Variants in RPH3A observed in about 807,000 individuals in gnomAD.
RPH3A encodes rabphilin-3A.
RPH3A carries 48 observed loss-of-function variants against 102.2 expected under a neutral mutation model. The ratio of observed to expected loss-of-function variants is 0.47; its 90% CI spans 0.37 to 0.60. RPH3A has a LOEUF of 0.60. RPH3A is among the 20% of genes least tolerant of loss of function. The pLI is 0.00. For synonymous variants in RPH3A, 310 were observed against 324.3 expected, an observed-to-expected ratio of 0.96 and a Z score of 0.47; for missense variants, 781 against 910.1, an observed-to-expected ratio of 0.86 and a Z score of 1.83.
At chr12:112,729,629 G>T (rs901222508) in intron 1 of RPH3A, among the ~76,000 whole-genome samples, 2 of 152,194 alleles carry the variant, frequency 1.3e-5, no homozygotes, top group Non-Finnish European at 2.9e-5. Flanking sequence ...ATATTGACTA[G>T]TTGCTTTAAT....
chr12:112,887,433 A>G (rs1358004049), intron 16 of RPH3A, among the ~76,000 whole-genome samples: 1 of 152,224 alleles, frequency 6.6e-6, no homozygotes, highest in African/African-American at 2.4e-5. Flanking sequence ...CAGACAAATG[A>G]CTTCATGTGG....
At chr12:112,735,689 G>C (rs3803064) in intron 1 of RPH3A, among the ~76,000 whole-genome samples, 1 of 151,996 alleles carries the variant, frequency 6.6e-6, no homozygotes, top group African/African-American at 2.4e-5. Context: ...TTCACTAGAC[G>C]CTGGGACAGA....
rs554009236 is a variant in RPH3A, at chr12:112,737,626, G to A, written c.-139-54517G>A. 4.6e-5 allele frequency among the ~76,000 whole-genome samples: 7 copies of A among 152,160 alleles called. No homozygotes were observed. The East Asian group carries it at 1.3e-3, about 29-fold the overall frequency. ...CAGTTTTTTTCCCCTCTGAGCCATA[G>A]ACTCCTCCTCCAGGCAGCCACCACT... On this transcript the variant is annotated intron_variant, in intron 1 of 21. Transcript: ENST00000543106.
intron 6 of RPH3A, among the ~76,000 whole-genome samples, chr12:112,865,905 G>C (rs1428388464): frequency 1.3e-5 from 2 of 152,218 alleles, no homozygotes; most frequent in Non-Finnish European, 2.9e-5. Flanking sequence ...GTTTATACTT[G>C]TGTGTATGTG....
At chr12:112,580,086 C>A (rs1293158656) in intron 1 of RPH3A, among the ~76,000 whole-genome samples, 1 of 152,058 alleles carries the variant, frequency 6.6e-6, no homozygotes, top group Non-Finnish European at 1.5e-5. Context: ...AAAACAGATA[C>A]CGTGTCTATT....
intron 1 of RPH3A, among the ~76,000 whole-genome samples, chr12:112,606,481 A>C (rs1288437383): frequency 2.0e-5 from 3 of 152,044 alleles, no homozygotes; most frequent in Non-Finnish European, 4.4e-5. Context: ...TCCCAGTCTC[A>C]AGCAATTCTT....
intron 1 of RPH3A, among the ~76,000 whole-genome samples, chr12:112,669,266 G>GATAGATACCTCAATTATCCTA (rs2040110841): frequency 6.6e-6 from 1 of 152,206 alleles, no homozygotes; most frequent in African/African-American, 2.4e-5. Context: ...GGTGGCTTGT[G>GATAGATACCTCAATTATCCTA]ATAGATACCT....
chr12:112,791,623 T>A (rs1011703242), upstream of RPH3A: 1 of 151,524 alleles, frequency 6.6e-6, no homozygotes, highest in Non-Finnish European at 1.5e-5. Flanking sequence ...GCGCCCAACC[T>A]CCCCTCCCGG....
At chr12:112,643,804 C>T (rs1361506547) in intron 1 of RPH3A, among the ~76,000 whole-genome samples, 1 of 152,192 alleles carries the variant, frequency 6.6e-6, no homozygotes, top group Non-Finnish European at 1.5e-5. Flanking sequence ...ATCCAGCAAT[C>T]CCACTAATGG....
intron 16 of RPH3A, among the ~76,000 whole-genome samples, chr12:112,884,059 G>A (rs2042967726): frequency 1.3e-5 from 2 of 151,792 alleles, no homozygotes; most frequent in African/African-American, 4.8e-5. Context: ...ATATATCTCA[G>A]TATTACAGCC....
In RPH3A at chr12:112,850,023, C is replaced by T. The variant is rs375088276; in HGVS notation, c.230+2181C>T. Among the ~76,000 whole-genome samples, 7 of 152,272 alleles carry T rather than the reference C, an allele frequency of 4.6e-5. No homozygotes were observed. In the South Asian group the frequency reaches 1.2e-3, roughly 27 times the overall value. ...AGGGTAAATGAGGTCCCTGTTTTAC[C>T]TTCAATGCCCTGCTGTATTCTCCCT... is the stretch of plus-strand genomic sequence containing the variant. On this transcript the variant is annotated intron_variant, in intron 5 of 21. Coordinates refer to ENST00000389385, the MANE Select transcript of RPH3A (RefSeq NM_001143854.2).
Position 112,798,527 on chromosome 12 carries a change from G to A in RPH3A, c.-19+6264G>A, listed in dbSNP as rs144076070. On this transcript the variant is annotated intron_variant, in intron 2 of 21. Coordinates refer to ENST00000389385, the MANE Select transcript of RPH3A (RefSeq NM_001143854.2). ...GGTTTTGGTGCCAGCCATTGATGGC[G>A]GGGCGGCATTCTGGGGCTGCAGAGA... Among the ~76,000 whole-genome samples the A allele has an allele frequency of 2.2e-3, 342 of 152,292 alleles. 2 individuals carry two copies. The highest frequency in any genetic ancestry group is 7.7e-3 in the African/African-American group (321 of 41,556).
Position 112,896,763 on chromosome 12 carries a change from C to G in RPH3A, c.2068C>G (p.His690Asp), listed in dbSNP as rs2136277517. The stretch of plus-strand genomic sequence containing the variant: ...CTGGCACCAGCTACAGAATGAGAAC[C>G]ACGTGTCAAGTGATTAGGCTAGTGC... Reference protein sequence around the residue: ...ERWHQLQNENHVSSD With the variant: ...ERWHQLQNENDVSSD The change falls in exon 22 of 22, where the codon CAC becomes GAC. Residue 690 changes from histidine to aspartate, a missense_variant. His to Asp is a moderately conservative substitution (Grantham distance 81). Coordinates refer to ENST00000389385, the MANE Select transcript of RPH3A (RefSeq NM_001143854.2). 1 of 1,614,076 alleles carries G rather than the reference C, an allele frequency of 6.2e-7. No individual in the cohort carries two copies. Among genetic ancestry groups the G allele is most frequent in the African/African-American group, 1.3e-5 (1 of 75,016 alleles).
intron 7 of RPH3A, 83 bp downstream of exon 7, chr12:112,866,923 A>G: frequency 4.0e-6 from 4 of 1,006,810 alleles, no homozygotes; most frequent in Non-Finnish European, 6.1e-6. Context: ...GTTTGTATGA[A>G]AGGACCCAGC....
intron 1 of RPH3A, among the ~76,000 whole-genome samples, chr12:112,719,837 G>T (rs1363762456): frequency 6.6e-6 from 1 of 152,180 alleles, no homozygotes; most frequent in Non-Finnish European, 1.5e-5. Context: ...AGCCATATTA[G>T]ATACTGCTGC....
chr12:112,875,892 A>G (rs1413633915), intron 12 of RPH3A, 151 bp downstream of exon 12: 3 of 607,490 alleles, frequency 4.9e-6, no homozygotes, highest in Middle Eastern at 4.3e-4. Flanking sequence ...CTAAAACTTT[A>G]GATAGTCCGT....
At chr12:112,727,504 C>CCCA (rs1555205006) in intron 1 of RPH3A, among the ~76,000 whole-genome samples, 34 of 80,934 alleles carry the variant, frequency 4.2e-4, no homozygotes, top group African/African-American at 1.3e-3. Context: ...CCCCCCCCCC[C>CCCA]CACACACATA....
intron 2 of RPH3A, among the ~76,000 whole-genome samples, chr12:112,798,401 C>A (rs1231416088): frequency 2.0e-5 from 3 of 152,144 alleles, no homozygotes; most frequent in Non-Finnish European, 4.4e-5. Context: ...TCTTTTTCCT[C>A]TCTTTCTTTT....
intron 1 of RPH3A, among the ~76,000 whole-genome samples, chr12:112,694,650 G>GCACACACACACACACA (rs71086119): frequency 1.0e-5 from 1 of 98,544 alleles, no homozygotes; most frequent in Non-Finnish European, 2.1e-5. Flanking sequence ...GCGCGCACAC[G>GCACACACACACACACA]CACACACACA....
Sources: gnomAD v4.1 joint callset for allele counts (sites outside exome capture counted in the v4.1 genomes callset) on GRCh38, gnomAD v4.1.1 for gene constraint, MANE v1.5 for transcripts, NCBI Gene and HGNC (gene_info 2026-07-23, HGNC 2026-07-21) for gene names.